Variants in ACSM5 observed in about 807,000 individuals in gnomAD.
ACSM5 encodes acyl-CoA synthetase medium chain family member 5, also known as acyl-coenzyme A synthetase ACSM5, mitochondrial.
In ACSM5, 56 loss-of-function variants were observed where a neutral mutation model predicts 71.6. The observed-to-expected ratio is 0.78, with a 90% CI of 0.63 to 0.98. The LOEUF (loss-of-function observed/expected upper bound fraction) is 0.98. Among genes scored for constraint, ACSM5 ranks in the 50% least tolerant of loss-of-function variants. The pLI is 0.00. For synonymous variants in ACSM5, 285 were observed against 281.5 expected (o/e 1.01, Z -0.12); for missense variants, 723 against 726.0 (o/e 1.00, Z 0.05).
chr16:20,431,384 C>G, intron 10 of ACSM5, 63 bp downstream of exon 10: 1 of 1,286,166 alleles, frequency 7.8e-7, no homozygotes, highest in Admixed American at 1.7e-5. Context: ...GTGCACCACA[C>G]TTTGTAAATA....
chr16:20,441,125 G>A lies in ACSM5; in HGVS notation c.*698G>A, dbSNP rs1410333236. 2 of 152,032 alleles carry A rather than the reference G, an allele frequency of 1.3e-5. No homozygotes were observed. Among genetic ancestry groups the A allele is most frequent in the East Asian group, 1.9e-4 (1 of 5,186 alleles). 9.4% of individuals were successfully genotyped at this position (152,032 alleles called of 1,614,324 possible). A position where few individuals can be genotyped will look rare whatever the true frequency, so the allele number is the denominator to read the frequency against. On this transcript the variant is annotated 3_prime_UTR_variant, in exon 14 of 14. Transcript: ENST00000331849. The stretch of plus-strand genomic sequence containing the variant: ...AGCTATATTAATTTTAAAAATCAGA[G>A]CAAAAATATTCATACTGGAGAATCC...
intron 6 of ACSM5, 95 bp downstream of exon 6, chr16:20,424,164 A>G: frequency 6.8e-7 from 1 of 1,462,260 alleles, no homozygotes; most frequent in Non-Finnish European, 9.2e-7. Flanking sequence ...CACATAAATC[A>G]GTGAATTTAA....
intron 10 of ACSM5, among the ~76,000 whole-genome samples, chr16:20,434,449 T>C (rs1481983734): frequency 1.3e-5 from 2 of 152,194 alleles, no homozygotes; most frequent in Non-Finnish European, 2.9e-5. Flanking sequence ...ATCCTAGCAC[T>C]TTGGGAGGCC....
intron 1 of ACSM5, among the ~76,000 whole-genome samples, chr16:20,409,928 G>C (rs532809378): frequency 1.3e-5 from 2 of 148,580 alleles, no homozygotes; most frequent in East Asian, 4.1e-4. Flanking sequence ...GTGAGGGGCG[G>C]GAGAGGTGGG....
chr16:20,420,556 C>T (rs949776281), intron 4 of ACSM5, among the ~76,000 whole-genome samples: 7 of 152,124 alleles, frequency 4.6e-5, no homozygotes, highest in Non-Finnish European at 8.8e-5. Flanking sequence ...GCCAAGATCC[C>T]GCCATTGCAC....
In ACSM5 at chr16:20,423,923, G is replaced by T. The variant is rs759500529; in HGVS notation, c.775G>T (p.Val259Leu). ...TTCTCTAATTTTTGGCAGACGGTGG[G>T]TGGCCTTGACCGAATCTGACATCTT... ...LGFVASGRRWVALTESDIFWN... is the reference protein window; with the variant it reads ...LGFVASGRRWLALTESDIFWN... Residue 259 changes from valine (V) to leucine (L), a missense_variant, in exon 6 of 14, where the codon GTG (valine) becomes TTG (leucine). Coordinates refer to ENST00000331849, the MANE Select transcript of ACSM5 (RefSeq NM_017888.3). 4 of 1,613,904 alleles carry T rather than the reference G, an allele frequency of 2.5e-6. No individual in the cohort carries two copies. The highest frequency in any genetic ancestry group is 2.2e-5 in the East Asian group (1 of 44,886).
At chr16:20,438,955 A>C (rs1288771713) in intron 12 of ACSM5, among the ~76,000 whole-genome samples, 70 of 48,138 alleles carry the variant, frequency 1.5e-3, no homozygotes, top group African/African-American at 8.3e-3. Flanking sequence ...ACTCTGTCTT[A>C]AAAAAAAAAA....
chr16:20,438,184 A>G (rs571307022), intron 12 of ACSM5, among the ~76,000 whole-genome samples: 1 of 151,912 alleles, frequency 6.6e-6, no homozygotes. Context: ...AGATCAGCTA[A>G]CAGGCAGACT....
intron 5 of ACSM5, among the ~76,000 whole-genome samples, chr16:20,421,837 GCCC>G (rs1055642076): frequency 6.6e-5 from 10 of 151,178 alleles, no homozygotes; most frequent in Non-Finnish European, 1.5e-4. Context: ...TGAGAACTGT[GCCC>G]CCATTACCCA....
chr16:20,411,287 G>T (rs888282307), intron 1 of ACSM5, among the ~76,000 whole-genome samples, 183 bp from the exon 2 acceptor site: 4 of 152,204 alleles, frequency 2.6e-5, no homozygotes, highest in African/African-American at 9.6e-5. Flanking sequence ...GACAGACCTC[G>T]GGGTCAGAGG....
In ACSM5 at chr16:20,418,182, T is replaced by C. The variant is rs1966861835; in HGVS notation, c.328T>C (p.Cys110Arg). 6.2e-7 allele frequency: 1 copy of C among 1,613,122 alleles called. No homozygotes were observed. Among genetic ancestry groups the C allele is most frequent in the Middle Eastern group, 1.8e-4 (1 of 5,438 alleles). The change falls in exon 3 of 14, where the codon TGC becomes CGC. Residue 110 changes from cysteine to arginine, a missense_variant. By Grantham distance (180) the Cys-to-Arg change is radical. Transcript: ENST00000331849. The part of the protein sequence containing the change: ...RKAANVLGGA[C>R]GLQPGDRMML... ...GGCAGCCAATGTGCTGGGGGGTGCA[T>C]GCGGCCTGCAGCCTGGGGACAGAAT...
chr16:20,431,184 C>G (rs1281354628), intron 9 of ACSM5, 36 bp from the exon 10 acceptor site: 1 of 1,599,222 alleles, frequency 6.3e-7, no homozygotes, highest in East Asian at 2.2e-5. Flanking sequence ...GGTGTAGACA[C>G]TCACGTATGC....
chr16:20,430,694 G>A (rs185702216), intron 8 of ACSM5, among the ~76,000 whole-genome samples: 376 of 151,092 alleles, frequency 2.5e-3, no homozygotes, highest in African/African-American at 8.3e-3. Context: ...ATGAAATAAC[G>A]GGGAAAAGAA....
At chr16:20,439,244 T>G (rs1187605878) in intron 12 of ACSM5, among the ~76,000 whole-genome samples, 1 of 131,344 alleles carries the variant, frequency 7.6e-6, no homozygotes, top group Admixed American at 7.3e-5. Flanking sequence ...TAAGACAGCC[T>G]GCAGGAAAGT....
chr16:20,413,333 C>T (rs1966851005), intron 2 of ACSM5, among the ~76,000 whole-genome samples: 1 of 152,152 alleles, frequency 6.6e-6, no homozygotes, highest in African/African-American at 2.4e-5. Flanking sequence ...ATCACGGCAA[C>T]CATTAGATGG....
At chr16:20,437,531 C>T (rs115102829) in intron 12 of ACSM5, among the ~76,000 whole-genome samples, 164 bp downstream of exon 12, 3,912 of 152,050 alleles carry the variant, frequency 0.026, 164 homozygotes, top group African/African-American at 0.088. Flanking sequence ...TTTAGAGATA[C>T]AATTACTCTC....
chr16:20,440,630 G>A lies in ACSM5; in HGVS notation c.*203G>A, dbSNP rs965084044. ...TTGGCCCTGATCACATAGATGCTGC[G>A]CCGCCTAGCAAATGCTTGGTGGTTC... On this transcript the variant is annotated 3_prime_UTR_variant, in exon 14 of 14. Transcript: ENST00000331849. The A allele has an allele frequency of 1.4e-4, 71 of 521,596 alleles. 1 individual carries two copies. The Admixed American group carries it at 1.8e-3, about 14-fold the overall frequency. The allele number at this position is 521,596 out of a possible 1,614,324, so 32.3% of individuals were successfully genotyped here.
intron 3 of ACSM5, among the ~76,000 whole-genome samples, chr16:20,418,881 G>A (rs1966864935): frequency 6.6e-6 from 1 of 152,128 alleles, no homozygotes; most frequent in South Asian, 2.1e-4. Context: ...TGAAATAAAA[G>A]AACCAGTGAT....
At chr16:20,429,410 G>A (rs1333809314) in intron 7 of ACSM5, among the ~76,000 whole-genome samples, 1 of 152,160 alleles carries the variant, frequency 6.6e-6, no homozygotes, top group East Asian at 1.9e-4. Context: ...TTTTGGCCAA[G>A]TTACCTGGAA....
Sources: gnomAD v4.1 joint callset for allele counts (sites outside exome capture counted in the v4.1 genomes callset) on GRCh38, gnomAD v4.1.1 for gene constraint, MANE v1.5 for transcripts, NCBI Gene and HGNC (gene_info 2026-07-23, HGNC 2026-07-21) for gene names.